The following AUTS2 variants were observed in gnomAD, a reference collection of about 807,000 sequenced individuals.
AUTS2 encodes activator of transcription and developmental regulator AUTS2.
AUTS2 carries 17 observed loss-of-function variants against 112.4 expected under a neutral mutation model. The observed-to-expected ratio is 0.15, with a 90% CI of 0.10 to 0.23. The LOEUF (loss-of-function observed/expected upper bound fraction) is 0.23. Ranked by LOEUF, AUTS2 falls within the 10% of genes least tolerant of loss-of-function variation. The probability of loss-of-function intolerance (pLI) is 1.00; values close to 1 mark genes in which losing one functional copy is unlikely to be tolerated. For missense variants in AUTS2, 1,510 were observed against 1,701.6 expected, an observed-to-expected ratio of 0.89 and a Z score of 1.98; for synonymous variants, 751 against 702.7, an observed-to-expected ratio of 1.07 and a Z score of -1.09.
chr7:69,768,555 A>G (rs1427112374), intron 1 of AUTS2, among the ~76,000 whole-genome samples: 1 of 152,182 alleles, frequency 6.6e-6, no homozygotes. Flanking sequence ...CTCTGGACCT[A>G]TATAAGCTGT....
chr7:69,792,716 A>G (rs1442070037), intron 1 of AUTS2, among the ~76,000 whole-genome samples: 1 of 152,028 alleles, frequency 6.6e-6, no homozygotes, highest in East Asian at 1.9e-4. Flanking sequence ...TACGAGACTG[A>G]GTATCTGAAT....
intron 1 of AUTS2, among the ~76,000 whole-genome samples, chr7:69,884,448 T>G (rs1358677374): frequency 2.6e-5 from 4 of 152,206 alleles, no homozygotes; most frequent in Admixed American, 1.3e-4. Flanking sequence ...CAGAGAACAT[T>G]TAATTCAGTT....
chr7:69,916,812 T>C (rs1302838898), intron 2 of AUTS2, among the ~76,000 whole-genome samples: 2 of 152,226 alleles, frequency 1.3e-5, no homozygotes, highest in African/African-American at 4.8e-5. Context: ...TCTCTTTCTC[T>C]TGGAGGTGTG....
chr7:69,917,863 G>A (rs929477436), intron 2 of AUTS2, among the ~76,000 whole-genome samples: 1 of 132,938 alleles, frequency 7.5e-6, no homozygotes, highest in Non-Finnish European at 1.6e-5. Context: ...TTGTTGTTGC[G>A]ACGGAGTCTC....
At chr7:70,625,267 A>G (rs555211509) in intron 5 of AUTS2, among the ~76,000 whole-genome samples, 5 of 152,310 alleles carry the variant, frequency 3.3e-5, no homozygotes, top group Middle Eastern at 3.4e-3. Context: ...GTATGTAGCC[A>G]AGTGCTTGAT....
intron 5 of AUTS2, among the ~76,000 whole-genome samples, chr7:70,513,556 A>G (rs1274649615): frequency 6.6e-6 from 1 of 152,206 alleles, no homozygotes; most frequent in Non-Finnish European, 1.5e-5. Context: ...TCCATCTCAA[A>G]TGGTGGCTGT....
chr7:70,791,055 T>C lies in AUTS2; in HGVS notation c.*59T>C, dbSNP rs61523194. On this transcript the variant is annotated 3_prime_UTR_variant, in exon 19 of 19. Coordinates refer to ENST00000342771, the MANE Select transcript of AUTS2 (RefSeq NM_015570.4). The stretch of plus-strand genomic sequence containing the variant: ...ACCCTAGGCAGACACCAGGCCAGGC[T>C]TGAGAGACAGAACTCCTGCATGGCT... 1,533 of 1,422,298 alleles carry C rather than the reference T, an allele frequency of 1.1e-3. 10 individuals are homozygous for C. The African/African-American group carries it at 0.021, about 19-fold the overall frequency. 88.1% of individuals were successfully genotyped at this position (1,422,298 alleles called of 1,614,324 possible). A position where few individuals can be genotyped will look rare whatever the true frequency, so the allele number is the denominator to read the frequency against.
At chr7:69,928,517 G>A (rs983054935) in intron 2 of AUTS2, among the ~76,000 whole-genome samples, 2 of 152,230 alleles carry the variant, frequency 1.3e-5, no homozygotes, top group African/African-American at 4.8e-5. Context: ...CCTCCCTCCT[G>A]TGCTTACACC....
In AUTS2 at chr7:69,969,581, A is replaced by G. The variant is rs1797764584; in HGVS notation, c.522+70083A>G. On this transcript the variant is annotated intron_variant, in intron 2 of 18. Coordinates refer to ENST00000342771, the MANE Select transcript of AUTS2 (RefSeq NM_015570.4). ...TCATTGGAGATTTTTGTTTTCCAAAACTCATCAAGATGGATTGAGTTTTAA... is the reference window on the plus strand; with the variant it reads ...TCATTGGAGATTTTTGTTTTCCAAAGCTCATCAAGATGGATTGAGTTTTAA... Among the ~76,000 whole-genome samples, 3 of 152,160 alleles carry G rather than the reference A, an allele frequency of 2.0e-5. No homozygotes were observed. In the South Asian group the frequency reaches 6.2e-4, roughly 32 times the overall value.
At chr7:70,430,459 G>C (rs1795610132) in intron 4 of AUTS2, among the ~76,000 whole-genome samples, 2 of 152,162 alleles carry the variant, frequency 1.3e-5, no homozygotes, top group African/African-American at 4.8e-5. Context: ...ATATTTTACA[G>C]AGAAATATAC....
chr7:69,934,919 A>T (rs1037819647), intron 2 of AUTS2, among the ~76,000 whole-genome samples: 1 of 152,182 alleles, frequency 6.6e-6, no homozygotes, highest in African/African-American at 2.4e-5. Context: ...TGGGTGTGTT[A>T]TCCTCTGCCA....
At chr7:70,172,111 C>A (rs1808732582) in intron 4 of AUTS2, among the ~76,000 whole-genome samples, 1 of 152,132 alleles carries the variant, frequency 6.6e-6, no homozygotes, top group African/African-American at 2.4e-5. Context: ...TTTCCTAACC[C>A]CCCTGTGTTT....
chr7:70,431,419 G>A (rs1431001749), intron 4 of AUTS2, among the ~76,000 whole-genome samples: 2 of 152,064 alleles, frequency 1.3e-5, no homozygotes, highest in East Asian at 1.9e-4. Context: ...TTTTTGAGAC[G>A]AAGTCTCGCT....
intron 5 of AUTS2, among the ~76,000 whole-genome samples, chr7:70,522,343 G>A (rs535820993): frequency 6.6e-6 from 1 of 152,250 alleles, no homozygotes; most frequent in African/African-American, 2.4e-5. Context: ...ATATGTGTAG[G>A]TTTGTTACTT....
At chr7:69,924,129 C>T (rs1168842950) in intron 2 of AUTS2, among the ~76,000 whole-genome samples, 1 of 152,008 alleles carries the variant, frequency 6.6e-6, no homozygotes, top group Non-Finnish European at 1.5e-5. Context: ...CTAAGTTTGT[C>T]AGAATTTTAA....
At chr7:70,744,574 C>T (rs554991661) in intron 6 of AUTS2, among the ~76,000 whole-genome samples, 8 of 152,246 alleles carry the variant, frequency 5.3e-5, no homozygotes, top group South Asian at 4.1e-4. Flanking sequence ...TTTGTGAACC[C>T]GGGGAACAGT....
At chr7:70,746,677 C>T (rs1184738987) in intron 6 of AUTS2, among the ~76,000 whole-genome samples, 1 of 151,870 alleles carries the variant, frequency 6.6e-6, no homozygotes, top group Non-Finnish European at 1.5e-5. Flanking sequence ...AAGGGGAGAG[C>T]GCAGGATCTT....
chr7:70,004,793 A>G (rs969036923), intron 2 of AUTS2, among the ~76,000 whole-genome samples: 5 of 151,334 alleles, frequency 3.3e-5, no homozygotes, highest in African/African-American at 1.2e-4. Flanking sequence ...CGTGGAGTCT[A>G]CACATGAATT....
intron 3 of AUTS2, among the ~76,000 whole-genome samples, chr7:70,121,131 A>T (rs1490639083): frequency 3.9e-5 from 6 of 152,190 alleles, no homozygotes; most frequent in Non-Finnish European, 8.8e-5. Context: ...GTGTTGAGAG[A>T]ACTGGATTTC....
Sources: allele counts gnomAD v4.1 joint callset (sites outside exome capture counted in the v4.1 genomes callset), GRCh38; gene constraint gnomAD v4.1.1; transcripts MANE v1.5; gene names NCBI Gene and HGNC (gene_info 2026-07-23, HGNC 2026-07-21).